The following EDC3 variants were observed in gnomAD, a reference collection of about 807,000 sequenced individuals.
The protein encoded by EDC3 is enhancer of mRNA decapping 3.
Under a neutral mutation model 41.8 loss-of-function variants are expected in EDC3, and 20 were observed. The ratio of observed to expected loss-of-function variants is 0.48; its 90% CI spans 0.34 to 0.70. The LOEUF (loss-of-function observed/expected upper bound fraction) is 0.70. EDC3 is among the 30% of genes least tolerant of loss of function. The pLI, the probability that EDC3 is intolerant of heterozygous loss-of-function variation, is 0.01. For synonymous variants in EDC3, 206 were observed against 243.2 expected (o/e 0.85, Z 1.42); for missense variants, 444 against 636.8 (o/e 0.70, Z 3.26).
intron 4 of EDC3, among the ~76,000 whole-genome samples, chr15:74,648,015 C>G (rs2062437116): frequency 1.3e-5 from 2 of 152,140 alleles, no homozygotes; most frequent in Admixed American, 1.3e-4. Context: ...CAAGGCAGGA[C>G]CCTGCATGGG....
intron 3 of EDC3, among the ~76,000 whole-genome samples, chr15:74,665,409 T>C (rs895852666): frequency 6.6e-6 from 1 of 152,230 alleles, no homozygotes; most frequent in Non-Finnish European, 1.5e-5. Flanking sequence ...TTACAATGAC[T>C]ATTCAAGCTC....
intron 5 of EDC3, 138 bp downstream of exon 5, chr15:74,640,328 G>A: frequency 1.0e-6 from 1 of 970,866 alleles, no homozygotes; most frequent in Admixed American, 2.5e-5. Context: ...CCAGGAAAGT[G>A]ACTTCAGAGA....
chr15:74,652,498 G>T (rs1304600201), intron 4 of EDC3, among the ~76,000 whole-genome samples: 1 of 152,096 alleles, frequency 6.6e-6, no homozygotes, highest in African/African-American at 2.4e-5. Flanking sequence ...AAAGTGCTGG[G>T]ATTACAGGCA....
intron 1 of EDC3, among the ~76,000 whole-genome samples, chr15:74,688,749 T>C (rs2062966631): frequency 1.3e-5 from 2 of 151,942 alleles, no homozygotes; most frequent in South Asian, 4.1e-4. Flanking sequence ...CTACTAAAAA[T>C]ACAAAAAATT....
At chr15:74,659,429 C>G (rs554854894) in intron 3 of EDC3, among the ~76,000 whole-genome samples, 1 of 151,046 alleles carries the variant, frequency 6.6e-6, no homozygotes, top group African/African-American at 2.4e-5. Flanking sequence ...CATTCCACTC[C>G]AGCCTGGGCA....
At chr15:74,665,793 C>G (rs937727624) in intron 3 of EDC3, among the ~76,000 whole-genome samples, 1 of 148,718 alleles carries the variant, frequency 6.7e-6, no homozygotes, top group East Asian at 2.0e-4. Context: ...ATATTTCTTT[C>G]TTTCCTTTTT....
intron 6 of EDC3, 193 bp downstream of exon 6, chr15:74,635,216 T>A: frequency 1.4e-6 from 1 of 703,374 alleles, no homozygotes; most frequent in Non-Finnish European, 2.6e-6. Flanking sequence ...CAGCTCTTCA[T>A]GTGAGTAGTT....
At chr15:74,636,584 A>AG (rs985849356) in intron 5 of EDC3, 1 of 152,252 alleles carries the variant, frequency 6.6e-6, no homozygotes, top group African/African-American at 2.4e-5. Flanking sequence ...CAATGTAGGG[A>AG]GGAGATGGAC....
chr15:74,632,416 C>T lies in EDC3; in HGVS notation c.*196G>A. 1.5e-6 allele frequency: 1 copy of T among 673,010 alleles called. No homozygotes were observed. Among genetic ancestry groups the T allele is most frequent in the Non-Finnish European group, 2.5e-6 (1 of 406,094 alleles). The allele number at this position is 673,010 out of a possible 1,614,324, so 41.7% of individuals were successfully genotyped here. A position where few individuals can be genotyped will look rare whatever the true frequency, so the allele number is the denominator to read the frequency against. ...GCTGCACGCTCAGCCTGCCACCCAG[C>T]CCGGAACCCAGTGGGAAAGACTTCC... On this transcript the variant is annotated 3_prime_UTR_variant, in exon 7 of 7. Coordinates refer to ENST00000315127, the MANE Select transcript of EDC3 (RefSeq NM_025083.5). This position sits in a 1 kb window ranked among gnomAD's most constrained non-coding sequence, Gnocchi z 4.0.
rs2062544235 is a variant in EDC3, at chr15:74,656,033, G to A, written c.520C>T (p.Pro174Ser). 1.2e-6 allele frequency: 2 copies of A among 1,612,450 alleles called. No individual in the cohort carries two copies. Among genetic ancestry groups the A allele is most frequent in the Admixed American group, 1.7e-5 (1 of 59,834 alleles). ...SSSRHPNQAT[P>S]KKSGLKNGQM... The stretch of plus-strand genomic sequence containing the variant: ...CCATTCTTTAAACCACTTTTCTTGG[G>A]AGTTGCCTGATTTGGGTGCCTGCTA... Residue 174 changes from proline (P) to serine (S), a missense_variant, in exon 4 of 7, where the codon CCC becomes TCC. Pro to Ser is a moderately conservative substitution (Grantham distance 74). Transcript: ENST00000315127.
intron 6 of EDC3, chr15:74,635,153 A>G (rs2062255735): frequency 1.5e-6 from 1 of 675,056 alleles, no homozygotes; most frequent in Non-Finnish European, 2.7e-6. Flanking sequence ...TATCCCTAGC[A>G]TCAGGAAGAG....
chr15:74,647,234 T>C (rs938233480), intron 4 of EDC3, among the ~76,000 whole-genome samples: 1 of 152,114 alleles, frequency 6.6e-6, no homozygotes, highest in Non-Finnish European at 1.5e-5. Flanking sequence ...GGTCTCAAAC[T>C]CCTGACCTCA....
chr15:74,660,991 A>C (rs923770891), intron 3 of EDC3, among the ~76,000 whole-genome samples: 1 of 152,214 alleles, frequency 6.6e-6, no homozygotes, highest in African/African-American at 2.4e-5. Context: ...TATACATTAC[A>C]TAAAATTTAC....
intron 1 of EDC3, among the ~76,000 whole-genome samples, chr15:74,675,543 A>G (rs553595354): frequency 1.3e-4 from 20 of 150,380 alleles, no homozygotes; most frequent in Admixed American, 2.6e-4. Context: ...TGATGATGAT[A>G]ATAATAATAA....
intron 4 of EDC3, among the ~76,000 whole-genome samples, chr15:74,648,554 C>T (rs1475880831): frequency 6.6e-6 from 1 of 152,210 alleles, no homozygotes; most frequent in Non-Finnish European, 1.5e-5. Context: ...CTAGCAGAAA[C>T]CAGAACTGCC....
At chr15:74,658,034 C>T (rs1567165968) in intron 3 of EDC3, among the ~76,000 whole-genome samples, 1 of 152,162 alleles carries the variant, frequency 6.6e-6, no homozygotes, top group Non-Finnish European at 1.5e-5. Flanking sequence ...CATCAGTCAA[C>T]AACTACTCTA....
At chr15:74,663,046 G>A (rs993349363) in intron 3 of EDC3, among the ~76,000 whole-genome samples, 4 of 152,166 alleles carry the variant, frequency 2.6e-5, no homozygotes, top group African/African-American at 9.7e-5. Flanking sequence ...CAGCACTGTG[G>A]GAGGCCAAGG....
intron 1 of EDC3, among the ~76,000 whole-genome samples, chr15:74,679,592 C>T (rs2062845419): frequency 6.6e-6 from 1 of 151,794 alleles, no homozygotes; most frequent in African/African-American, 2.4e-5. Context: ...TGAATGTAAA[C>T]ATAAAATTCC....
chr15:74,664,550 G>A (rs902087240), intron 3 of EDC3, among the ~76,000 whole-genome samples: 5 of 152,218 alleles, frequency 3.3e-5, no homozygotes, highest in East Asian at 3.8e-4. Context: ...CACACACACT[G>A]TAAGTGGGAA....
Sources: gnomAD v4.1 joint callset for allele counts (sites outside exome capture counted in the v4.1 genomes callset) on GRCh38, gnomAD v4.1.1 for gene constraint, Gnocchi (gnomAD v3.1) non-coding constraint, MANE v1.5 for transcripts, NCBI Gene and HGNC (gene_info 2026-07-23, HGNC 2026-07-21) for gene names.